The following ARMH3 variants were observed in gnomAD, a reference collection of about 807,000 sequenced individuals.
ARMH3 encodes armadillo-like helical domain-containing protein 3.
Under a neutral mutation model 99.1 loss-of-function variants are expected in ARMH3, and 60 were observed. That is an observed-to-expected ratio of 0.61 (90% confidence interval 0.49 to 0.75). ARMH3 has a LOEUF of 0.75. ARMH3 is among the 30% of genes least tolerant of loss of function. The pLI is 0.00. For synonymous variants in ARMH3, 285 were observed against 292.8 expected, an observed-to-expected ratio of 0.97 and a Z score of 0.27; for missense variants, 679 against 843.1, an observed-to-expected ratio of 0.81 and a Z score of 2.41.
chr10:101,990,724 C>T (rs1846751701), intron 18 of ARMH3, 113 bp from the exon 19 acceptor site: 3 of 754,558 alleles, frequency 4.0e-6, no homozygotes, highest in Non-Finnish European at 4.6e-6. Context: ...ACGGCATCCA[C>T]TAACCACATC....
At chr10:101,953,022 G>A (rs550956489) in intron 22 of ARMH3, among the ~76,000 whole-genome samples, 1 of 152,284 alleles carries the variant, frequency 6.6e-6, no homozygotes, top group South Asian at 2.1e-4. Flanking sequence ...ATATCCCACT[G>A]GGTGTATATA....
intron 24 of ARMH3, among the ~76,000 whole-genome samples, chr10:101,856,589 C>T (rs1020584870): frequency 3.3e-5 from 5 of 151,658 alleles, no homozygotes; most frequent in Non-Finnish European, 7.4e-5. Flanking sequence ...CTCTGGATGA[C>T]TTGAAACAGA....
At chr10:101,946,728 T>C (rs1418244924) in intron 22 of ARMH3, among the ~76,000 whole-genome samples, 2 of 151,854 alleles carry the variant, frequency 1.3e-5, no homozygotes, top group Admixed American at 6.6e-5. Context: ...GAGACAGAAA[T>C]TGGGGCAGAG....
At chr10:101,958,399 A>G (rs1443811133) in intron 20 of ARMH3, among the ~76,000 whole-genome samples, 2 of 152,238 alleles carry the variant, frequency 1.3e-5, no homozygotes, top group Non-Finnish European at 2.9e-5. Context: ...AGCAACCTCA[A>G]TAAAGAGACT....
At chr10:101,949,159 G>A (rs1844682987) in intron 22 of ARMH3, among the ~76,000 whole-genome samples, 1 of 151,756 alleles carries the variant, frequency 6.6e-6, no homozygotes, top group Admixed American at 6.6e-5. Context: ...TCATATCAAT[G>A]AACTATGCTT....
chr10:101,866,109 T>C (rs1350864796), intron 24 of ARMH3, among the ~76,000 whole-genome samples: 2 of 151,514 alleles, frequency 1.3e-5, no homozygotes, highest in East Asian at 3.9e-4. Context: ...TAATCTCAGC[T>C]ACTTGGGAGG....
intron 24 of ARMH3, among the ~76,000 whole-genome samples, chr10:101,856,950 A>C (rs181118129): frequency 4.7e-4 from 72 of 152,210 alleles, no homozygotes; most frequent in African/African-American, 1.6e-3. Flanking sequence ...TGGGTAATGG[A>C]GTTTATTCCT....
At chr10:101,860,088 A>G (rs914907359) in intron 24 of ARMH3, among the ~76,000 whole-genome samples, 2 of 152,196 alleles carry the variant, frequency 1.3e-5, no homozygotes, top group African/African-American at 2.4e-5. Context: ...AAAACGGGGA[A>G]AGGGAATATC....
intron 23 of ARMH3, among the ~76,000 whole-genome samples, chr10:101,925,626 C>T (rs533421091): frequency 2.7e-4 from 41 of 152,226 alleles, no homozygotes; most frequent in Middle Eastern, 3.4e-3. Context: ...AAAGAATGAA[C>T]GGGCTGGGGG....
At chr10:101,859,601 G>C (rs985670120) in intron 24 of ARMH3, among the ~76,000 whole-genome samples, 3 of 152,234 alleles carry the variant, frequency 2.0e-5, no homozygotes, top group African/African-American at 7.2e-5. Context: ...ATGACTTTCT[G>C]AGGTGTGTTC....
chr10:101,995,091 G>A (rs1480406873), intron 16 of ARMH3, among the ~76,000 whole-genome samples: 8 of 152,196 alleles, frequency 5.3e-5, no homozygotes, highest in Non-Finnish European at 1.5e-5. Context: ...GCTAAACAGC[G>A]TGGAAGCAGA....
chr10:101,856,946 A>G (rs1287597541), intron 24 of ARMH3, among the ~76,000 whole-genome samples: 2 of 152,174 alleles, frequency 1.3e-5, no homozygotes, highest in Admixed American at 6.5e-5. Flanking sequence ...AAGTTGGGTA[A>G]TGGAGTTTAT....
intron 24 of ARMH3, among the ~76,000 whole-genome samples, chr10:101,856,316 T>C (rs1258664127): frequency 1.3e-5 from 2 of 152,236 alleles, no homozygotes; most frequent in Non-Finnish European, 2.9e-5. Flanking sequence ...GGCTGCTATT[T>C]TGATTACTCA....
At chr10:102,025,686 T>A (rs1207142603) in intron 5 of ARMH3, among the ~76,000 whole-genome samples, 5 of 152,154 alleles carry the variant, frequency 3.3e-5, no homozygotes, top group East Asian at 3.8e-4. Flanking sequence ...TCACTCTGTC[T>A]GTCAGTCAGG....
At chr10:102,021,219 G>A (rs551768361) in intron 8 of ARMH3, among the ~76,000 whole-genome samples, 1 of 152,008 alleles carries the variant, frequency 6.6e-6, no homozygotes, top group Non-Finnish European at 1.5e-5. Context: ...TGAGACTTCA[G>A]GCATGTGCCA....
intron 1 of ARMH3, among the ~76,000 whole-genome samples, chr10:102,055,248 G>T (rs973413859): frequency 6.6e-6 from 1 of 151,996 alleles, no homozygotes; most frequent in African/African-American, 2.4e-5. Context: ...GGTAAGCCGA[G>T]ATCGGGCAAC....
intron 4 of ARMH3, among the ~76,000 whole-genome samples, chr10:102,031,799 G>A (rs1014588734): frequency 1.3e-5 from 2 of 152,134 alleles, no homozygotes; most frequent in Non-Finnish European, 2.9e-5. Context: ...GAGTGCAGTG[G>A]CACCATGTCA....
chr10:102,037,123 T>TCATC (rs1349997962), intron 2 of ARMH3, among the ~76,000 whole-genome samples: 1 of 151,404 alleles, frequency 6.6e-6, no homozygotes, highest in Non-Finnish European at 1.5e-5. Flanking sequence ...GTAACTAATG[T>TCATC]CATCACTAGT....
At chr10:102,050,888 T>C (rs1190177582) in intron 1 of ARMH3, among the ~76,000 whole-genome samples, 1 of 147,338 alleles carries the variant, frequency 6.8e-6, no homozygotes, top group Non-Finnish European at 1.5e-5. Flanking sequence ...CCAGGCATGG[T>C]GGCTCACGCC....
Sources: gnomAD v4.1 joint callset for allele counts (sites outside exome capture counted in the v4.1 genomes callset) on GRCh38, gnomAD v4.1.1 for gene constraint, MANE v1.5 for transcripts, NCBI Gene and HGNC (gene_info 2026-07-23, HGNC 2026-07-21) for gene names.